Variants in ZNF197 observed in about 807,000 individuals in gnomAD.
ZNF197 encodes VHL-associated KRAB-A domain-containing protein.
In ZNF197, 14 loss-of-function variants were observed where a neutral mutation model predicts 27.4. That is an observed-to-expected ratio of 0.51 (90% CI 0.34 to 0.80). The LOEUF (loss-of-function observed/expected upper bound fraction) is 0.80, where lower values mean the gene tolerates loss of function less well. Among genes scored for constraint, ZNF197 ranks in the 30% least tolerant of loss-of-function variants. The pLI is 0.02. For missense variants in ZNF197, 1,090 were observed against 1,222.6 expected (o/e 0.89, Z 1.62); for synonymous variants, 415 against 420.0 (o/e 0.99, Z 0.15).
chr3:44,633,336 T>C (rs937311210), intron 5 of ZNF197, among the ~76,000 whole-genome samples: 3 of 152,178 alleles, frequency 2.0e-5, no homozygotes, highest in African/African-American at 7.2e-5. Flanking sequence ...GCTGTGAAAA[T>C]GATGTGATTC....
In ZNF197 at chr3:44,643,910, A is replaced by G. The variant is rs756584893; in HGVS notation, c.2780A>G (p.Glu927Gly). The change falls in exon 6 of 6, where the codon GAA (glutamate) becomes GGA (glycine). Residue 927 changes from glutamate (E) to glycine (G), a missense_variant. Physicochemically the swap from Glu to Gly is moderately conservative, Grantham distance 98. Transcript: ENST00000344387. ...GTACATCAGAGAATGCACACTGGGG[A>G]AAAACCTTATGAGTGTGACAAGTGT... ...LVVHQRMHTG[E>G]KPYECDKCRK... The G allele has an allele frequency of 5.0e-6, 8 of 1,613,912 alleles. No individual in the cohort carries two copies. Among genetic ancestry groups the G allele is most frequent in the South Asian group, 2.2e-5 (2 of 91,038 alleles).
chr3:44,629,369 G>T lies in ZNF197; in HGVS notation c.215G>T (p.Arg72Ile). The T allele has an allele frequency of 6.2e-7, 1 of 1,614,120 alleles. No individual in the cohort carries two copies. ...AGGGAACTCTGTCGCCGGTGGCTGA[G>T]ACCAGAAGCACGCACCAAGGCACAG... Reference protein sequence around the residue: ...RLRELCRRWLRPEARTKAQIL... With the variant: ...RLRELCRRWLIPEARTKAQIL... Residue 72 changes from arginine (R) to isoleucine (I), a missense_variant, in exon 2 of 6, where the codon AGA becomes ATA. Transcript: ENST00000344387.
rs753952864 is a variant in ZNF197, at chr3:44,643,627, C to G, written c.2497C>G (p.Leu833Val). 10 of 1,614,166 alleles carry G rather than the reference C, an allele frequency of 6.2e-6. 1 individual carries two copies. The South Asian group carries it at 8.8e-5, about 14-fold the overall frequency. Residue 833 changes from leucine to valine, a missense_variant, in exon 6 of 6, where the codon CTT becomes GTT. Leu to Val is a conservative substitution (Grantham distance 32, BLOSUM62 1). Transcript: ENST00000344387. ...CGKVFSYRSN[L>V]IAHQRIHTGE... The stretch of plus-strand genomic sequence containing the variant: ...GAAGGTCTTCAGTTACCGCTCAAAC[C>G]TTATAGCCCATCAGAGGATCCATAC...
chr3:44,633,367 T>G (rs1243056654), intron 5 of ZNF197, among the ~76,000 whole-genome samples: 2 of 152,154 alleles, frequency 1.3e-5, no homozygotes, highest in Non-Finnish European at 2.9e-5. Flanking sequence ...TAGCTTACAA[T>G]GGTTTAGGAG....
rs1380142950 is a variant in ZNF197 at position 44,631,456 on chromosome 3, A to G, written c.550+235A>G. Among the ~76,000 whole-genome samples, 3 of 151,384 alleles carry G rather than the reference A, an allele frequency of 2.0e-5. No individual in the cohort carries two copies. In the South Asian group the frequency reaches 6.2e-4, roughly 32 times the overall value. ...CGCTCTGTCGCCCAGGCTGGAGTGC[A>G]GTGGCGCGATCTCAGCTCACTGCAA... On this transcript the variant is annotated intron_variant, in intron 3 of 5. Transcript: ENST00000344387.
Position 44,645,929 on chromosome 3 carries a change from A to G in ZNF197, c.*1709A>G. On this transcript the variant is annotated 3_prime_UTR_variant, in exon 6 of 6. Transcript: ENST00000344387. Reference sequence around the variant, plus strand: ...TTAAGTTGGTAATTTTTATGTTGTAATTCTCAAAGTTCTGTTTCTGTAGCT... The same window carrying G: ...TTAAGTTGGTAATTTTTATGTTGTAGTTCTCAAAGTTCTGTTTCTGTAGCT... 1 of 985,422 alleles carries G rather than the reference A, an allele frequency of 1.0e-6. No homozygotes were observed. The highest frequency in any genetic ancestry group is 1.2e-6 in the Non-Finnish European group (1 of 829,930). 61.0% of individuals were successfully genotyped at this position (985,422 alleles called of 1,614,324 possible).
rs137991937 is a variant in ZNF197, at chr3:44,644,472, C to G, written c.*252C>G. ...TGACCAACATGGTGAAACCCCATCT[C>G]TACTAAAATACAAAAATTATCCGGG... is the stretch of plus-strand genomic sequence containing the variant. On this transcript the variant is annotated 3_prime_UTR_variant, in exon 6 of 6. Coordinates refer to ENST00000344387, the MANE Select transcript of ZNF197 (RefSeq NM_006991.5). 3,622 of 918,812 alleles carry G rather than the reference C, an allele frequency of 3.9e-3. 14 individuals carry two copies. Among genetic ancestry groups the G allele is most frequent in the Non-Finnish European group, 4.5e-3 (3,245 of 725,216 alleles). 56.9% of individuals were successfully genotyped at this position (918,812 alleles called of 1,614,324 possible). A position where few individuals can be genotyped will look rare whatever the true frequency, so the allele number is the denominator to read the frequency against.
Position 44,645,356 on chromosome 3 carries a change from C to G in ZNF197, c.*1136C>G, listed in dbSNP as rs1407457023. The G allele has an allele frequency of 3.0e-6, 3 of 984,470 alleles. No homozygotes were observed. 61.0% of individuals were successfully genotyped at this position (984,470 alleles called of 1,614,324 possible). On this transcript the variant is annotated 3_prime_UTR_variant, in exon 6 of 6. Coordinates refer to ENST00000344387, the MANE Select transcript of ZNF197 (RefSeq NM_006991.5). ...GGGGATTCCAGGAACCTAAAAGATA[C>G]TCATTTTCATAAGAGGAAGTATGGT...
rs1702153458 is a variant in ZNF197, at chr3:44,634,180, G to GT, written c.769+1584dup. On this transcript the variant is annotated intron_variant, in intron 5 of 5. Coordinates refer to ENST00000344387, the MANE Select transcript of ZNF197 (RefSeq NM_006991.5). ...AGGTAGATGAAGAATACCATCTTTTGTTTGTTTTTCATGTTTTCATTATTA... is the reference window on the plus strand; with the variant it reads ...AGGTAGATGAAGAATACCATCTTTTGTTTTGTTTTTCATGTTTTCATTATTA... Among the ~76,000 whole-genome samples the GT allele has an allele frequency of 2.0e-5, 3 of 151,980 alleles. No homozygotes were observed. In the South Asian group the frequency reaches 6.2e-4, roughly 31 times the overall value.
Position 44,643,392 on chromosome 3 carries a change from A to C in ZNF197, c.2262A>C (p.Arg754Ser). 1 of 1,614,186 alleles carries C rather than the reference A, an allele frequency of 6.2e-7. No homozygotes were observed. The highest frequency in any genetic ancestry group is 8.5e-7 in the Non-Finnish European group (1 of 1,180,026). ...ATTCAAGCCTGCTTGTACATCGGAG[A>C]ATCCACACCGGAGAAAAACCCTTTG... ...SYNSSLLVHR[R>S]IHTGEKPFEC... Residue 754 changes from arginine (R) to serine (S), a missense_variant, in exon 6 of 6, where the codon AGA becomes AGC. Transcript: ENST00000344387.
rs1443585168 is a variant in ZNF197, at chr3:44,647,497, T to C, written c.*3277T>C. The stretch of plus-strand genomic sequence containing the variant: ...ACTTGCGTTCACACAAAAACCTGTA[T>C]ACGAATGTTCATAGCAGCTTTATTT... On this transcript the variant is annotated 3_prime_UTR_variant, in exon 6 of 6. Coordinates refer to ENST00000344387, the MANE Select transcript of ZNF197 (RefSeq NM_006991.5). 2.0e-5 allele frequency: 3 copies of C among 152,214 alleles called. No homozygotes were observed. Among genetic ancestry groups the C allele is most frequent in the Middle Eastern group, 3.2e-3 (1 of 316 alleles). 9.4% of individuals were successfully genotyped at this position (152,214 alleles called of 1,614,324 possible). A position where few individuals can be genotyped will look rare whatever the true frequency, so the allele number is the denominator to read the frequency against.
chr3:44,630,730 G>A (rs928055722), intron 2 of ZNF197: 3 of 431,742 alleles, frequency 6.9e-6, no homozygotes, highest in South Asian at 1.8e-5. Flanking sequence ...ACTGAAGTCC[G>A]ATCTAAAACT....
intron 1 of ZNF197, among the ~76,000 whole-genome samples, chr3:44,625,752 A>ACACACACACACACACACG (rs1701614597): frequency 2.8e-4 from 1 of 3,578 alleles, no homozygotes; most frequent in Non-Finnish European, 1.2e-3. Context: ...GCGCGCGCGC[A>ACACACACACACACACACG]CACACACACA....
rs1703055406 is a variant in ZNF197 at position 44,647,950 on chromosome 3, T to A, written c.*3730T>A. ...CTATACACACATACTGTACCAATGT[T>A]GATTTCCTTTTTCATTTTATGTAAG... On this transcript the variant is annotated 3_prime_UTR_variant, in exon 6 of 6. Coordinates refer to ENST00000344387, the MANE Select transcript of ZNF197 (RefSeq NM_006991.5). The A allele has an allele frequency of 6.6e-6, 1 of 152,220 alleles. No individual in the cohort carries two copies. The highest frequency in any genetic ancestry group is 1.5e-5 in the Non-Finnish European group (1 of 68,044). The allele number at this position is 152,220 out of a possible 1,614,324, so 9.4% of individuals were successfully genotyped here. A position where few individuals can be genotyped will look rare whatever the true frequency, so the allele number is the denominator to read the frequency against.
In ZNF197 at chr3:44,630,943, T is replaced by A. The variant is rs568316516; in HGVS notation, c.391-119T>A. 146 of 1,348,672 alleles carry A rather than the reference T, an allele frequency of 1.1e-4. No homozygotes were observed. In the South Asian group the frequency reaches 1.6e-3, roughly 15 times the overall value. 83.5% of individuals were successfully genotyped at this position (1,348,672 alleles called of 1,614,324 possible). On this transcript the variant is annotated intron_variant, in intron 2 of 5. Transcript: ENST00000344387. The stretch of plus-strand genomic sequence containing the variant: ...TACTGCTGTTTTGATGCTCCATACT[T>A]GAGGTGGGTCTCTCTGATCTCACAG...
chr3:44,636,486 G>A (rs1205595424), intron 5 of ZNF197, among the ~76,000 whole-genome samples: 1 of 152,062 alleles, frequency 6.6e-6, no homozygotes, highest in East Asian at 1.9e-4. Context: ...TGCAATATGT[G>A]GTCATTTGTG....
At position 44,631,134 on chromosome 3, in the gene ZNF197, G is replaced by C; in HGVS notation, c.463G>C (p.Val155Leu). Residue 155 changes from valine to leucine, a missense_variant, in exon 3 of 6, where the codon GTA becomes CTA. Coordinates refer to ENST00000344387, the MANE Select transcript of ZNF197 (RefSeq NM_006991.5). ...TGCCCCAGGAACAACACTTCCTCCT[G>C]TACTTCCTGGCAGCCACATAGCAGC... ...VSAPGTTLPP[V>L]LPGSHIAAEI... 2 of 1,614,100 alleles carry C rather than the reference G, an allele frequency of 1.2e-6. No homozygotes were observed. The highest frequency in any genetic ancestry group is 1.7e-6 in the Non-Finnish European group (2 of 1,180,026).
chr3:44,630,329 G>T (rs1358816441), intron 2 of ZNF197, among the ~76,000 whole-genome samples: 2 of 152,146 alleles, frequency 1.3e-5, no homozygotes, highest in Admixed American at 1.3e-4. Flanking sequence ...AAGGGATTGG[G>T]TTAAGATATT....
rs1703000817 is a variant in ZNF197, at chr3:44,647,185, A to C, written c.*2965A>C. The C allele has an allele frequency of 6.6e-6, 1 of 152,230 alleles. No homozygotes were observed. Among genetic ancestry groups the C allele is most frequent in the Non-Finnish European group, 1.5e-5 (1 of 68,048 alleles). The allele number at this position is 152,230 out of a possible 1,614,324, so 9.4% of individuals were successfully genotyped here. A position where few individuals can be genotyped will look rare whatever the true frequency, so the allele number is the denominator to read the frequency against. On this transcript the variant is annotated 3_prime_UTR_variant, in exon 6 of 6. Coordinates refer to ENST00000344387, the MANE Select transcript of ZNF197 (RefSeq NM_006991.5). ...AAGCAAAAGACAGACATTTCACTGA[A>C]GTATAGATAGCAAATAAGCAAATGA...
Sources: gnomAD v4.1 joint callset for allele counts (sites outside exome capture counted in the v4.1 genomes callset) on GRCh38, gnomAD v4.1.1 for gene constraint, MANE v1.5 for transcripts, NCBI Gene and HGNC (gene_info 2026-07-23, HGNC 2026-07-21) for gene names.